The following PTCHD4 variants were observed in gnomAD, a reference collection of about 807,000 sequenced individuals.
PTCHD4 encodes patched domain-containing protein 4.
PTCHD4 carries 33 observed loss-of-function variants against 58.1 expected under a neutral mutation model. The observed-to-expected ratio is 0.57, with a 90% confidence interval of 0.43 to 0.76. PTCHD4 has a LOEUF of 0.76. PTCHD4 is among the 30% of genes least tolerant of loss of function. The pLI is 0.00. For synonymous variants in PTCHD4, 478 were observed against 409.6 expected (o/e 1.17, Z -2.02); for missense variants, 1,058 against 1,027.1 (o/e 1.03, Z -0.41).
At position 47,859,649 on chromosome 6, in the gene PTCHD4, C is replaced by G. The variant is rs1340592376; in HGVS notation, c.*18654G>C. 6.8e-6 allele frequency among the ~76,000 whole-genome samples: 1 copy of G among 146,922 alleles called. No individual in the cohort carries two copies. The highest frequency in any genetic ancestry group is 2.5e-5 in the African/African-American group (1 of 40,168). On this transcript the variant is annotated 3_prime_UTR_variant, in exon 5 of 5. Coordinates refer to ENST00000339488, the MANE Select transcript of PTCHD4 (RefSeq NM_001384253.1). ...CAGTTTACAGAGCAGAAAAATATCT[C>G]TGCCCCCTTAGAGCTTTCAATTTAC...
intron 4 of PTCHD4, among the ~76,000 whole-genome samples, chr6:47,931,594 C>T (rs1765823725): frequency 6.6e-6 from 1 of 152,148 alleles, no homozygotes; most frequent in Non-Finnish European, 1.5e-5. Context: ...AATTCCTTTA[C>T]TTGCTGTAAA....
intron 3 of PTCHD4, among the ~76,000 whole-genome samples, chr6:48,038,828 A>G (rs1763740854): frequency 6.6e-6 from 1 of 152,156 alleles, no homozygotes; most frequent in South Asian, 2.1e-4. Context: ...GTTTTCAAAT[A>G]GAGCCACAGG....
intron 4 of PTCHD4, among the ~76,000 whole-genome samples, chr6:47,965,287 T>A (rs901450645): frequency 7.9e-5 from 12 of 152,328 alleles, no homozygotes; most frequent in African/African-American, 1.9e-4. Context: ...GATAGATAAG[T>A]TTTCATGACA....
chr6:47,965,778 A>G (rs1199672594), intron 4 of PTCHD4, among the ~76,000 whole-genome samples: 1 of 151,940 alleles, frequency 6.6e-6, no homozygotes, highest in Non-Finnish European at 1.5e-5. Context: ...ACTACAAAAA[A>G]TTGGTGGGCG....
intron 1 of PTCHD4, among the ~76,000 whole-genome samples, chr6:48,100,817 C>A (rs1347014173): frequency 6.6e-6 from 1 of 152,094 alleles, no homozygotes; most frequent in African/African-American, 2.4e-5. Flanking sequence ...TATTTTGAGT[C>A]GTGCATCTAC....
Position 47,886,393 on chromosome 6 carries a change from A to G in PTCHD4, c.899-6457T>C, listed in dbSNP as rs117588211. ...ATTAGAATTCTCATTTGCCTTCAGA[A>G]GACATACTGGTGGGTTTTCCTTTTC... is the stretch of plus-strand genomic sequence containing the variant. On this transcript the variant is annotated intron_variant, in intron 4 of 4. Coordinates refer to ENST00000339488, the MANE Select transcript of PTCHD4 (RefSeq NM_001384253.1). 7.2e-5 allele frequency among the ~76,000 whole-genome samples: 11 copies of G among 152,278 alleles called. No individual in the cohort carries two copies. In the East Asian group the frequency reaches 2.1e-3, roughly 29 times the overall value.
chr6:48,050,870 A>G (rs187824050), intron 3 of PTCHD4, among the ~76,000 whole-genome samples: 2 of 152,208 alleles, frequency 1.3e-5, no homozygotes, highest in Non-Finnish European at 2.9e-5. Flanking sequence ...CTGTCATAGG[A>G]CAGTCAGATA....
At chr6:47,912,454 C>G (rs1387242787) in intron 4 of PTCHD4, among the ~76,000 whole-genome samples, 1 of 152,104 alleles carries the variant, frequency 6.6e-6, no homozygotes, top group Non-Finnish European at 1.5e-5. Flanking sequence ...TTTTGGTATC[C>G]TTGACCATTG....
rs375947318 is a variant in PTCHD4, at chr6:47,920,295, A to T, written c.899-40359T>A. Among the ~76,000 whole-genome samples the T allele has an allele frequency of 5.9e-5, 9 of 152,112 alleles. No homozygotes were observed. In the East Asian group the frequency reaches 1.7e-3, roughly 29 times the overall value. ...AGGATGGAGCTAGCAAAGGCAGAAA[A>T]TGTATATGTATATACGATGATGATT... On this transcript the variant is annotated intron_variant, in intron 4 of 4. Coordinates refer to ENST00000339488, the MANE Select transcript of PTCHD4 (RefSeq NM_001384253.1).
intron 1 of PTCHD4, among the ~76,000 whole-genome samples, chr6:48,086,553 A>C (rs1020640380): frequency 6.6e-6 from 1 of 152,182 alleles, no homozygotes; most frequent in South Asian, 2.1e-4. Context: ...AGCAGGGCAG[A>C]ACAGGGATTG....
chr6:47,883,536 A>G (rs545011748), intron 4 of PTCHD4, among the ~76,000 whole-genome samples: 1 of 152,232 alleles, frequency 6.6e-6, no homozygotes, highest in Non-Finnish European at 1.5e-5. Context: ...GCTAGATATT[A>G]CTAGGATTTT....
intron 3 of PTCHD4, among the ~76,000 whole-genome samples, chr6:48,056,836 C>A (rs1057188539): frequency 6.6e-6 from 1 of 152,174 alleles, no homozygotes; most frequent in Non-Finnish European, 1.5e-5. Context: ...CACTGGTGAC[C>A]ATGTGACACT....
intron 4 of PTCHD4, among the ~76,000 whole-genome samples, chr6:48,005,561 TCCACCTCA>T (rs1762403378): frequency 6.6e-6 from 1 of 152,174 alleles, no homozygotes; most frequent in African/African-American, 2.4e-5. Context: ...AACTTCACAT[TCCACCTCA>T]CCACCTTCAT....
chr6:48,002,112 C>A (rs112605935), intron 4 of PTCHD4, among the ~76,000 whole-genome samples: 3,431 of 152,258 alleles, frequency 0.023, 59 homozygotes, highest in South Asian at 0.082. Flanking sequence ...CAGGAAACAA[C>A]AGGTGCTGGA....
chr6:47,865,472 T>C lies in PTCHD4; in HGVS notation c.*12831A>G, dbSNP rs1004850826. On this transcript the variant is annotated 3_prime_UTR_variant, in exon 5 of 5. Transcript: ENST00000339488. ...GAAGATTAAACTATACATTAGAGTA[T>C]TGTAGTAAATAGATCACACAGAGCT... Among the ~76,000 whole-genome samples the C allele has an allele frequency of 7.2e-5, 11 of 151,910 alleles. No homozygotes were observed. The highest frequency in any genetic ancestry group is 2.9e-5 in the Non-Finnish European group (2 of 67,900).
chr6:47,942,202 A>C (rs9349437), intron 4 of PTCHD4, among the ~76,000 whole-genome samples: 116,945 of 152,148 alleles, frequency 0.77, 45,809 homozygotes, highest in East Asian at 0.89. Context: ...TCAAAATAGC[A>C]TTGCAGAGAA....
intron 3 of PTCHD4, among the ~76,000 whole-genome samples, chr6:48,026,500 C>A (rs1763250894): frequency 6.6e-6 from 1 of 152,104 alleles, no homozygotes; most frequent in African/African-American, 2.4e-5. Flanking sequence ...TCTCCTCACC[C>A]TTCCTCTTAC....
rs141047084 is a variant in PTCHD4 at position 48,080,022 on chromosome 6, T to C, written c.-969-10096A>G. Among the ~76,000 whole-genome samples the C allele has an allele frequency of 2.5e-3, 337 of 135,110 alleles. 1 individual carries two copies. The highest frequency in any genetic ancestry group is 8.2e-3 in the African/African-American group (301 of 36,794). The allele number at this position is 135,110 out of a possible 152,430, so 88.6% of individuals were successfully genotyped here. On this transcript the variant is annotated intron_variant, in intron 1 of 4. Coordinates refer to ENST00000339488, the MANE Select transcript of PTCHD4 (RefSeq NM_001384253.1). ...TTTGCCCTTCAGACTGATGTAGAAA[T>C]TGAGAGGAAAGAAATAGAAGAGCCT...
chr6:47,950,087 G>A (rs1420932439), intron 4 of PTCHD4, among the ~76,000 whole-genome samples: 2 of 138,418 alleles, frequency 1.4e-5, no homozygotes, highest in Non-Finnish European at 3.0e-5. Context: ...GTGTCCATGT[G>A]TTCTCATTGT....
Sources: allele counts gnomAD v4.1 joint callset (sites outside exome capture counted in the v4.1 genomes callset), GRCh38; gene constraint gnomAD v4.1.1; transcripts MANE v1.5; gene names NCBI Gene and HGNC (gene_info 2026-07-23, HGNC 2026-07-21).